NEGR1: variants seen among roughly 807,000 people sequenced by gnomAD.
NEGR1 encodes the protein IgLON family member 4.
Under a neutral mutation model 40.9 loss-of-function variants are expected in NEGR1, and 10 were observed. The observed-to-expected ratio is 0.24, with a 90% CI of 0.15 to 0.42. NEGR1 has a LOEUF of 0.42. Ranked by LOEUF, NEGR1 falls within the 10% of genes least tolerant of loss-of-function variation. NEGR1 has a pLI of 1.00. For missense variants in NEGR1, 352 were observed against 438.9 expected (o/e 0.80, Z 1.77); for synonymous variants, 185 against 166.8 (o/e 1.11, Z -0.84).
chr1:71,747,341 T>C (rs1206700580), intron 3 of NEGR1, among the ~76,000 whole-genome samples: 1 of 152,076 alleles, frequency 6.6e-6, no homozygotes, highest in African/African-American at 2.4e-5. Flanking sequence ...CAGCACAGGA[T>C]CAATATTAAA....
intron 2 of NEGR1, among the ~76,000 whole-genome samples, chr1:71,902,360 C>A (rs1661165404): frequency 6.6e-6 from 1 of 152,156 alleles, no homozygotes; most frequent in Admixed American, 6.5e-5. Flanking sequence ...ATCCAAAAAA[C>A]CTGATAGAGT....
intron 2 of NEGR1, among the ~76,000 whole-genome samples, chr1:71,847,308 C>T (rs1659452206): frequency 6.6e-6 from 1 of 152,150 alleles, no homozygotes; most frequent in Non-Finnish European, 1.5e-5. Flanking sequence ...TGCAGGCACA[C>T]CTCATTTTAT....
intron 4 of NEGR1, among the ~76,000 whole-genome samples, chr1:71,661,702 G>C (rs1260965009): frequency 6.6e-6 from 1 of 152,164 alleles, no homozygotes; most frequent in East Asian, 1.9e-4. Flanking sequence ...AAATTGATCT[G>C]ATGCTAAGTT....
chr1:71,939,179 C>G (rs1645937177), intron 1 of NEGR1, among the ~76,000 whole-genome samples: 1 of 152,112 alleles, frequency 6.6e-6, no homozygotes, highest in African/African-American at 2.4e-5. Flanking sequence ...CAACTTTTTT[C>G]CCCTAAAGTT....
At chr1:71,439,600 G>T (rs1302890977) in intron 6 of NEGR1, 1 of 152,080 alleles carries the variant, frequency 6.6e-6, no homozygotes, top group African/African-American at 2.4e-5. Flanking sequence ...TGGCCTCCAG[G>T]AATCTACCTG....
chr1:71,637,541 C>A (rs1439841008), intron 4 of NEGR1, among the ~76,000 whole-genome samples: 1 of 151,722 alleles, frequency 6.6e-6, no homozygotes, highest in Non-Finnish European at 1.5e-5. Flanking sequence ...AGAATAAAGT[C>A]TAAATGTTCA....
At chr1:71,821,516 A>G (rs1175199108) in intron 2 of NEGR1, among the ~76,000 whole-genome samples, 1 of 152,026 alleles carries the variant, frequency 6.6e-6, no homozygotes, top group African/African-American at 2.4e-5. Flanking sequence ...GACACACACA[A>G]AAAAAGTTGA....
chr1:72,196,687 C>T (rs887339450), intron 1 of NEGR1, among the ~76,000 whole-genome samples: 49 of 124,486 alleles, frequency 3.9e-4, no homozygotes, highest in Middle Eastern at 7.9e-3. Context: ...TCACTTGAAC[C>T]GGGGTGGCTG....
intron 2 of NEGR1, among the ~76,000 whole-genome samples, chr1:71,905,263 T>C (rs775301614): frequency 4.1e-4 from 62 of 152,088 alleles, no homozygotes; most frequent in Non-Finnish European, 8.2e-4. Context: ...ATTTTATTAG[T>C]TTTTAATCAC....
At chr1:72,143,521 G>GAACT (rs1650764090) in intron 1 of NEGR1, among the ~76,000 whole-genome samples, 1 of 151,724 alleles carries the variant, frequency 6.6e-6, no homozygotes, top group African/African-American at 2.4e-5. Flanking sequence ...AAAAGACTCT[G>GAACT]AACTCAATGG....
chr1:71,520,825 A>C (rs1647152169), intron 6 of NEGR1, among the ~76,000 whole-genome samples: 1 of 152,032 alleles, frequency 6.6e-6, no homozygotes, highest in African/African-American at 2.4e-5. Flanking sequence ...AGAAAATGGG[A>C]AGGTGATTTC....
intron 1 of NEGR1, among the ~76,000 whole-genome samples, chr1:72,045,643 T>A (rs1646994257): frequency 6.6e-6 from 1 of 151,822 alleles, no homozygotes; most frequent in African/African-American, 2.4e-5. Flanking sequence ...TCCTCAGCCA[T>A]GTGGAACTGT....
chr1:72,101,707 T>A (rs2100246404), intron 1 of NEGR1, among the ~76,000 whole-genome samples: 1 of 152,234 alleles, frequency 6.6e-6, no homozygotes, highest in South Asian at 2.1e-4. Flanking sequence ...TGTCTCAGAT[T>A]GTTTCAGAAA....
At chr1:71,686,168 A>G (rs1036891612) in intron 4 of NEGR1, among the ~76,000 whole-genome samples, 2 of 152,200 alleles carry the variant, frequency 1.3e-5, no homozygotes, top group Non-Finnish European at 2.9e-5. Flanking sequence ...CTTTCAGGCA[A>G]AAATTTTGAA....
At chr1:71,621,758 T>C (rs1650615988) in intron 4 of NEGR1, among the ~76,000 whole-genome samples, 1 of 151,894 alleles carries the variant, frequency 6.6e-6, no homozygotes, top group Admixed American at 6.6e-5. Flanking sequence ...AAGAGATTAT[T>C]TTCCTAAGAT....
chr1:71,634,846 A>G (rs946637500), intron 4 of NEGR1, among the ~76,000 whole-genome samples: 1 of 152,118 alleles, frequency 6.6e-6, no homozygotes, highest in Non-Finnish European at 1.5e-5. Flanking sequence ...TAGAGTCCTT[A>G]TTATTAAAAT....
chr1:72,105,634 T>C (rs115986854), intron 1 of NEGR1, among the ~76,000 whole-genome samples: 1,708 of 152,154 alleles, frequency 0.011, 38 homozygotes, highest in African/African-American at 0.039. Flanking sequence ...GGATCAGCAA[T>C]GTTTGCTGAA....
intron 2 of NEGR1, among the ~76,000 whole-genome samples, chr1:71,874,237 G>A (rs1280287878): frequency 6.6e-6 from 1 of 152,100 alleles, no homozygotes; most frequent in African/African-American, 2.4e-5. Context: ...ACATTAATTT[G>A]CACTTAGTAC....
chr1:71,783,365 A>G (rs1187921339), intron 2 of NEGR1, among the ~76,000 whole-genome samples: 1 of 152,158 alleles, frequency 6.6e-6, no homozygotes, highest in Admixed American at 6.5e-5. Context: ...AAACTGAGAT[A>G]AGAAATTGTT....
Sources: allele counts gnomAD v4.1 joint callset (sites outside exome capture counted in the v4.1 genomes callset), GRCh38; gene constraint gnomAD v4.1.1; transcripts MANE v1.5; gene names NCBI Gene and HGNC (gene_info 2026-07-23, HGNC 2026-07-21).